SEC23B: variants seen among roughly 807,000 people sequenced by gnomAD.
SEC23B encodes SEC23 homolog B, COPII component.
Under a neutral mutation model 104.3 loss-of-function variants are expected in SEC23B, and 77 were observed. The observed-to-expected ratio is 0.74, with a 90% CI of 0.61 to 0.89. SEC23B has a LOEUF of 0.89. Ranked by LOEUF, SEC23B falls within the 40% of genes least tolerant of loss-of-function variation. SEC23B has a pLI of 0.00. For synonymous variants in SEC23B, 338 were observed against 332.5 expected, an observed-to-expected ratio of 1.02 and a Z score of -0.18; for missense variants, 885 against 949.4, an observed-to-expected ratio of 0.93 and a Z score of 0.89.
rs1290030620 is a variant in SEC23B, at chr20:18,542,918, A to C, written c.1512-101A>C. The C allele has an allele frequency of 3.4e-6, 5 of 1,455,792 alleles. No homozygotes were observed. In the South Asian group the frequency reaches 4.6e-5, roughly 13 times the overall value. The allele number at this position is 1,455,792 out of a possible 1,614,324, so 90.2% of individuals were successfully genotyped here. On this transcript the variant is annotated intron_variant, in intron 13 of 19. Transcript: ENST00000650089. ...CCTCCCAAAGTGTTGGGATTTCAGG[A>C]ATGAGCCACTGCACCTAGCCTGTGT...
At chr20:18,545,073 G>T (rs1228874672) in intron 14 of SEC23B, among the ~76,000 whole-genome samples, 1 of 151,950 alleles carries the variant, frequency 6.6e-6, no homozygotes, top group African/African-American at 2.4e-5. Context: ...TGTGTCTCAC[G>T]AAAACTCCCA....
intron 1 of SEC23B, among the ~76,000 whole-genome samples, chr20:18,509,437 C>T (rs1304655593): frequency 6.6e-6 from 1 of 152,172 alleles, no homozygotes; most frequent in Non-Finnish European, 1.5e-5. Context: ...TGCCTTTTTA[C>T]TACTTTTCTT....
At chr20:18,532,926 G>A (rs2060199751) in intron 11 of SEC23B, among the ~76,000 whole-genome samples, 182 bp downstream of exon 11, 1 of 152,150 alleles carries the variant, frequency 6.6e-6, no homozygotes, top group Non-Finnish European at 1.5e-5. Context: ...TCATCCAAAG[G>A]GTTAGAGAGA....
intron 3 of SEC23B, among the ~76,000 whole-genome samples, chr20:18,513,513 G>A (rs373265457): frequency 1.4e-4 from 21 of 152,310 alleles, no homozygotes; most frequent in African/African-American, 5.1e-4. Flanking sequence ...AAAAATTTGT[G>A]TCCAGCATAG....
intron 12 of SEC23B, among the ~76,000 whole-genome samples, chr20:18,536,647 G>A (rs566478266): frequency 2.6e-4 from 39 of 151,252 alleles, no homozygotes; most frequent in Admixed American, 9.9e-4. Flanking sequence ...AGCCAAGATC[G>A]TGCCACTGCA....
At chr20:18,526,958 G>A (rs2060139672) in intron 8 of SEC23B, among the ~76,000 whole-genome samples, 1 of 152,216 alleles carries the variant, frequency 6.6e-6, no homozygotes, top group Non-Finnish European at 1.5e-5. Context: ...ACTCACGCCT[G>A]TAGTCCCAGC....
chr20:18,524,442 C>T lies in SEC23B; in HGVS notation c.376C>T (p.Gln126Ter), dbSNP rs1346111371. Residue 126 changes from glutamine to a stop codon, truncating the protein, a stop_gained, in exon 5 of 20, where the codon CAG (glutamine) becomes TAG (stop). Transcript: ENST00000650089. LOFTEE classifies it high-confidence loss of function. ...TIEYVIQRGA[Q>*]SPLIFLYVVD... ...TTTTCTTTGCCCAAAGCGAGGTGCTCAGTCCCCTCTGATCTTTCTCTATGT... is the reference window on the plus strand; with the variant it reads ...TTTTCTTTGCCCAAAGCGAGGTGCTTAGTCCCCTCTGATCTTTCTCTATGT... 1.2e-6 allele frequency: 2 copies of T among 1,613,574 alleles called. No homozygotes were observed. Among genetic ancestry groups the T allele is most frequent in the Admixed American group, 3.3e-5 (2 of 60,020 alleles).
intron 15 of SEC23B, among the ~76,000 whole-genome samples, chr20:18,546,275 A>G (rs2060330500): frequency 6.6e-6 from 1 of 152,230 alleles, no homozygotes; most frequent in Admixed American, 6.5e-5. Context: ...CAGGCAAAAT[A>G]GGATCATTGA....
chr20:18,545,405 G>C (rs145736414), intron 14 of SEC23B, among the ~76,000 whole-genome samples: 1 of 152,204 alleles, frequency 6.6e-6, no homozygotes, highest in African/African-American at 2.4e-5. Context: ...AAGAAGACGA[G>C]AACTGCGGAA....
chr20:18,551,124 C>T lies in SEC23B; in HGVS notation c.1941C>T (p.Asp647=). The T allele has an allele frequency of 6.2e-7, 1 of 1,607,406 alleles. No individual in the cohort carries two copies. Among genetic ancestry groups the T allele is most frequent in the Non-Finnish European group, 8.5e-7 (1 of 1,177,784 alleles). ...VLLDSSSILA[D]RILLMDTFFQ... is the part of the protein sequence containing the mutation. The stretch of plus-strand genomic sequence containing the variant: ...TGGATAGCAGCAGCATTCTAGCTGA[C>T]AGAATTTTGCTGATGGATACTTTCT... Residue 647 remains aspartate, a synonymous_variant, in exon 17 of 20, where the codon GAC becomes GAT. Coordinates refer to ENST00000650089, the MANE Select transcript of SEC23B (RefSeq NM_006363.6).
At chr20:18,538,818 A>G (rs1035059213) in intron 12 of SEC23B, among the ~76,000 whole-genome samples, 19 of 152,206 alleles carry the variant, frequency 1.2e-4, no homozygotes, top group African/African-American at 3.6e-4. Context: ...TTCTTTGCTT[A>G]TGCATAAGAA....
chr20:18,524,348 C>T (rs182862578), intron 4 of SEC23B, 85 bp from the exon 5 acceptor site: 2 of 956,214 alleles, frequency 2.1e-6, no homozygotes, highest in African/African-American at 1.6e-5. Context: ...TGAAGACTTA[C>T]AATTTTCATA....
At chr20:18,547,049 G>C (rs577714035) in intron 15 of SEC23B, among the ~76,000 whole-genome samples, 4 of 151,902 alleles carry the variant, frequency 2.6e-5, no homozygotes, top group Non-Finnish European at 5.9e-5. Flanking sequence ...TCCCACCAGA[G>C]CCCTCATCCC....
At chr20:18,516,013 G>T in intron 4 of SEC23B, 1 of 417,398 alleles carries the variant, frequency 2.4e-6, no homozygotes, top group South Asian at 2.2e-5. Context: ...TAGTTGTTTA[G>T]CTTCAGAACC....
Position 18,526,482 on chromosome 20 carries a change from G to A in SEC23B, c.944G>A (p.Trp315Ter). 6.2e-7 allele frequency: 1 copy of A among 1,614,146 alleles called. No homozygotes were observed. The highest frequency in any genetic ancestry group is 8.5e-7 in the Non-Finnish European group (1 of 1,180,022). ...GDELKIPIRS[W>*]HDIEKDNARF... ...GAATTAAAGATTCCTATTCGTTCTT[G>A]GCATGATATTGAGAAAGATAATGCA... The change falls in exon 8 of 20, where the codon TGG becomes TAG. Residue 315 changes from tryptophan to a stop codon, truncating the protein, a stop_gained. Transcript: ENST00000650089. LOFTEE classifies it high-confidence loss of function.
chr20:18,517,076 T>C (rs1015137098), intron 4 of SEC23B, among the ~76,000 whole-genome samples: 2 of 152,266 alleles, frequency 1.3e-5, no homozygotes, highest in Non-Finnish European at 2.9e-5. Context: ...TTTTGCTTTC[T>C]TCTGTTATTG....
chr20:18,558,741 C>T (rs936573803), intron 19 of SEC23B, among the ~76,000 whole-genome samples: 4 of 152,240 alleles, frequency 2.6e-5, no homozygotes, highest in Non-Finnish European at 4.4e-5. Context: ...TTTGGTTCTC[C>T]GTGACTTCCA....
Position 18,532,675 on chromosome 20 carries a change from A to C in SEC23B, c.1245A>C (p.Glu415Asp), listed in dbSNP as rs748503790. Residue 415 changes from glutamate (E) to aspartate (D), a missense_variant, in exon 11 of 20, where the codon GAA becomes GAC. Transcript: ENST00000650089. ...GATLDVKTSR[E>D]LKIAGAIGPC... Reference sequence around the variant, plus strand: ...CATATTTGTTATAGACCTCTCGGGAACTGAAGATTGCAGGAGCCATTGGTC... The same window carrying C: ...CATATTTGTTATAGACCTCTCGGGACCTGAAGATTGCAGGAGCCATTGGTC... 9 of 1,613,330 alleles carry C rather than the reference A, an allele frequency of 5.6e-6. No individual in the cohort carries two copies. Among genetic ancestry groups the C allele is most frequent in the Admixed American group, 1.7e-5 (1 of 60,026 alleles).
chr20:18,526,208 G>T (rs1251505582), intron 7 of SEC23B, among the ~76,000 whole-genome samples, 165 bp from the exon 8 acceptor site: 1 of 152,222 alleles, frequency 6.6e-6, no homozygotes, highest in East Asian at 1.9e-4. Context: ...GTTGGAAGAA[G>T]ACAAGTGCTG....
Sources: allele counts gnomAD v4.1 joint callset (sites outside exome capture counted in the v4.1 genomes callset), GRCh38; gene constraint gnomAD v4.1.1; transcripts MANE v1.5; gene names NCBI Gene and HGNC (gene_info 2026-07-23, HGNC 2026-07-21).